The following ARHGAP19 variants were observed in gnomAD, a reference collection of about 807,000 sequenced individuals.
ARHGAP19 encodes the protein Rho GTPase activating protein 19.
A neutral mutation model predicts 60.9 loss-of-function variants in ARHGAP19; 48 were observed. The ratio of observed to expected loss-of-function variants is 0.79; its 90% CI spans 0.62 to 1.00. The LOEUF (loss-of-function observed/expected upper bound fraction) is 1.00. ARHGAP19 is among the 50% of genes least tolerant of loss of function. ARHGAP19 has a pLI of 0.00. For missense variants in ARHGAP19, 562 were observed against 597.2 expected (o/e 0.94, Z 0.61); for synonymous variants, 209 against 215.5 (o/e 0.97, Z 0.27).
At chr10:97,246,765 C>T (rs1156980735) in intron 6 of ARHGAP19, among the ~76,000 whole-genome samples, 2 of 152,266 alleles carry the variant, frequency 1.3e-5, no homozygotes, top group East Asian at 3.9e-4. Flanking sequence ...CTTTGGGAGG[C>T]AGAAGCAGGA....
intron 10 of ARHGAP19, 33 bp from the exon 11 acceptor site, chr10:97,229,258 G>T: frequency 6.6e-7 from 1 of 1,506,196 alleles, no homozygotes; most frequent in Admixed American, 1.7e-5. Context: ...TGGTTTCAAT[G>T]TTCTAATGCC....
At position 97,244,562 on chromosome 10, in the gene ARHGAP19, G is replaced by T. The variant is rs372364717; in HGVS notation, c.994-403C>A. 5.9e-4 allele frequency among the ~76,000 whole-genome samples: 90 copies of T among 152,290 alleles called. 1 individual carries two copies. Among genetic ancestry groups the T allele is most frequent in the African/African-American group, 2.0e-3 (84 of 41,566 alleles). The stretch of plus-strand genomic sequence containing the variant: ...AGTTTAAAGTCATCTGGATACTAAA[G>T]TGACAGACCCACCTGGGAGCCCAAG... On this transcript the variant is annotated intron_variant, in intron 7 of 11. Transcript: ENST00000358531.
chr10:97,231,812 G>C (rs1175680788), intron 9 of ARHGAP19, among the ~76,000 whole-genome samples: 1 of 152,014 alleles, frequency 6.6e-6, no homozygotes, highest in African/African-American at 2.4e-5. Context: ...AATTCTTTTG[G>C]TTATATACCG....
chr10:97,262,082 C>T (rs369562543), intron 4 of ARHGAP19, among the ~76,000 whole-genome samples: 3 of 151,650 alleles, frequency 2.0e-5, no homozygotes, highest in African/African-American at 7.3e-5. Flanking sequence ...CTGGGGGCTG[C>T]GGCTCATGCC....
Position 97,290,996 on chromosome 10 carries a change from G to C in ARHGAP19, c.56+1576C>G, listed in dbSNP as rs559521063. 1.2e-4 allele frequency among the ~76,000 whole-genome samples: 18 copies of C among 152,230 alleles called. No individual in the cohort carries two copies. The East Asian group carries it at 2.9e-3, about 24-fold the overall frequency. On this transcript the variant is annotated intron_variant, in intron 1 of 11. Coordinates refer to ENST00000358531, the MANE Select transcript of ARHGAP19 (RefSeq NM_032900.6). ...CAACTAAGAATCCCTGAGCCTAGCT[G>C]GGAATGTGACCGCATCCACCTTTAA...
At chr10:97,241,989 G>A (rs1186107940) in intron 8 of ARHGAP19, among the ~76,000 whole-genome samples, 5 of 145,814 alleles carry the variant, frequency 3.4e-5, no homozygotes, top group Admixed American at 6.9e-5. Context: ...CAGCCTGGGC[G>A]ACAGAGTGAG....
rs1843251856 is a variant in ARHGAP19, at chr10:97,292,558, C to G, written c.56+14G>C. 1 of 1,614,208 alleles carries G rather than the reference C, an allele frequency of 6.2e-7. No individual in the cohort carries two copies. Among genetic ancestry groups the G allele is most frequent in the East Asian group, 2.2e-5 (1 of 44,888 alleles). ...GGCCGCGTTTCCCAGGAAACTGGAC[C>G]AAACTCAGCTCACCTCCGGCCGGAT... On this transcript the variant is annotated intron_variant, in intron 1 of 11. Transcript: ENST00000358531.
chr10:97,229,463 G>A (rs1850962794), intron 10 of ARHGAP19, among the ~76,000 whole-genome samples: 1 of 152,060 alleles, frequency 6.6e-6, no homozygotes, highest in South Asian at 2.1e-4. Flanking sequence ...TGGCTCAAAT[G>A]TCACCTGTGG....
chr10:97,259,936 A>C (rs1448777813), intron 4 of ARHGAP19, among the ~76,000 whole-genome samples: 4 of 151,926 alleles, frequency 2.6e-5, no homozygotes, highest in Non-Finnish European at 4.4e-5. Context: ...CCCGGGTTCA[A>C]GCGATTCTCC....
At chr10:97,264,445 C>G (rs958733570) in intron 3 of ARHGAP19, among the ~76,000 whole-genome samples, 2 of 78,182 alleles carry the variant, frequency 2.6e-5, no homozygotes, top group Non-Finnish European at 5.8e-5. Context: ...AGAACGAGAC[C>G]TTGTCTCAAA....
intron 1 of ARHGAP19, among the ~76,000 whole-genome samples, chr10:97,284,889 A>C (rs753832776): frequency 4.5e-5 from 6 of 134,830 alleles, no homozygotes; most frequent in Non-Finnish European, 7.8e-5. Context: ...TGTGAGACTG[A>C]GTCTCGCTGT....
intron 1 of ARHGAP19, among the ~76,000 whole-genome samples, chr10:97,281,561 A>G (rs1187769869): frequency 6.6e-6 from 1 of 152,252 alleles, no homozygotes; most frequent in Non-Finnish European, 1.5e-5. Context: ...TGTGTCATTT[A>G]AAATCAATCC....
intron 5 of ARHGAP19, 112 bp from the exon 6 acceptor site, chr10:97,256,516 T>A: frequency 2.7e-6 from 2 of 730,182 alleles, no homozygotes; most frequent in Non-Finnish European, 4.7e-6. Context: ...CCTAGGTGCC[T>A]CTAATACAAT....
chr10:97,289,050 C>T (rs1025812647), intron 1 of ARHGAP19, among the ~76,000 whole-genome samples: 1 of 151,380 alleles, frequency 6.6e-6, no homozygotes, highest in African/African-American at 2.4e-5. Context: ...ATCTCCTGAC[C>T]TCATGATCCA....
chr10:97,245,435 A>G (rs773159796), intron 7 of ARHGAP19, among the ~76,000 whole-genome samples: 7 of 151,956 alleles, frequency 4.6e-5, no homozygotes, highest in Non-Finnish European at 8.8e-5. Flanking sequence ...AGACCTGGGC[A>G]ACATGGTGAA....
At chr10:97,292,485 C>G in intron 1 of ARHGAP19, 87 bp downstream of exon 1, 6 of 1,501,762 alleles carry the variant, frequency 4.0e-6, no homozygotes, top group African/African-American at 1.4e-5. Flanking sequence ...AAGCCCGAAC[C>G]GTGCGCCTCC....
At position 97,259,497 on chromosome 10, in the gene ARHGAP19, G is replaced by T. The variant is rs375097725; in HGVS notation, c.745C>A (p.Leu249Ile). 6.2e-7 allele frequency: 1 copy of T among 1,614,168 alleles called. No homozygotes were observed. The highest frequency in any genetic ancestry group is 2.2e-5 in the East Asian group (1 of 44,874). Residue 249 changes from leucine (L) to isoleucine (I), a missense_variant, in exon 5 of 12, where the codon CTC becomes ATC. By Grantham distance (5) the Leu-to-Ile change is conservative. Coordinates refer to ENST00000358531, the MANE Select transcript of ARHGAP19 (RefSeq NM_032900.6). ...TGTTTCTTTGCTGTCTGGTATAGGA[G>T]ATCAAGCAATAACTTCAGCAAATTA... Reference protein sequence around the residue: ...NRNLLKLLLDLLYQTAKKQDK... With the variant: ...NRNLLKLLLDILYQTAKKQDK...
Position 97,235,385 on chromosome 10 carries a change from T to C in ARHGAP19, c.1186-70A>G, listed in dbSNP as rs539945677. On this transcript the variant is annotated intron_variant, in intron 8 of 11. Coordinates refer to ENST00000358531, the MANE Select transcript of ARHGAP19 (RefSeq NM_032900.6). ...AGACACGGCATTCTGTGACAACTAA[T>C]AGCTAAGTGTAAATAAAAGTCCAGG... 5 of 1,325,948 alleles carry C rather than the reference T, an allele frequency of 3.8e-6. No homozygotes were observed. In the South Asian group the frequency reaches 4.9e-5, roughly 13 times the overall value. 82.1% of individuals were successfully genotyped at this position (1,325,948 alleles called of 1,614,324 possible). A position where few individuals can be genotyped will look rare whatever the true frequency, so the allele number is the denominator to read the frequency against.
chr10:97,284,903 G>A (rs1167048516), intron 1 of ARHGAP19, among the ~76,000 whole-genome samples: 12 of 134,284 alleles, frequency 8.9e-5, no homozygotes, highest in East Asian at 4.2e-4. Flanking sequence ...TCGCTGTGTC[G>A]CCCAGGCTGG....
Sources: allele counts gnomAD v4.1 joint callset (sites outside exome capture counted in the v4.1 genomes callset), GRCh38; gene constraint gnomAD v4.1.1; transcripts MANE v1.5; gene names NCBI Gene and HGNC (gene_info 2026-07-23, HGNC 2026-07-21).